The following ZNF385D variants were observed in gnomAD, a reference collection of about 807,000 sequenced individuals.
ZNF385D encodes the protein zinc finger protein 385D.
ZNF385D carries 15 observed loss-of-function variants against 35.8 expected under a neutral mutation model. The ratio of observed to expected loss-of-function variants is 0.42; its 90% CI spans 0.28 to 0.64. The LOEUF is 0.64. ZNF385D is among the 30% of genes least tolerant of loss of function. The pLI is 0.23. For synonymous variants in ZNF385D, 212 were observed against 186.8 expected, an observed-to-expected ratio of 1.13 and a Z score of -1.10; for missense variants, 474 against 494.6, an observed-to-expected ratio of 0.96 and a Z score of 0.39.
At chr3:21,694,569 C>T (rs529922907) in intron 1 of ZNF385D, among the ~76,000 whole-genome samples, 7 of 152,096 alleles carry the variant, frequency 4.6e-5, no homozygotes, top group African/African-American at 1.7e-4. Flanking sequence ...ATCCCTTGCT[C>T]GATAGAGAAA....
At chr3:21,837,340 T>C (rs544730792) in intron 3 of ZNF385D, among the ~76,000 whole-genome samples, 2 of 152,112 alleles carry the variant, frequency 1.3e-5, no homozygotes, top group Non-Finnish European at 2.9e-5. Context: ...AAGGTCCTTG[T>C]GCTAATCTGG....
chr3:22,145,114 C>T (rs528709219), intron 3 of ZNF385D, among the ~76,000 whole-genome samples: 10 of 151,928 alleles, frequency 6.6e-5, no homozygotes, highest in Non-Finnish European at 1.0e-4. Context: ...TACACACATA[C>T]ATTTGTATAT....
At chr3:21,863,777 G>C (rs890305419) in intron 3 of ZNF385D, among the ~76,000 whole-genome samples, 6 of 152,158 alleles carry the variant, frequency 3.9e-5, no homozygotes, top group Admixed American at 3.3e-4. Context: ...CAGGACTCAT[G>C]TTGCCAGTAA....
chr3:22,082,251 C>T (rs1013925853), intron 3 of ZNF385D, among the ~76,000 whole-genome samples: 2 of 152,008 alleles, frequency 1.3e-5, no homozygotes, highest in Non-Finnish European at 2.9e-5. Context: ...GGCAGGGCAT[C>T]GCCTCACCCA....
intron 2 of ZNF385D, among the ~76,000 whole-genome samples, chr3:22,295,509 G>T (rs1193315243): frequency 6.6e-6 from 1 of 152,100 alleles, no homozygotes; most frequent in Admixed American, 6.6e-5. Flanking sequence ...GTACATGTAG[G>T]TGTATGGCTC....
intron 3 of ZNF385D, among the ~76,000 whole-genome samples, chr3:21,531,435 C>T (rs2061920077): frequency 6.6e-6 from 1 of 152,134 alleles, no homozygotes; most frequent in South Asian, 2.1e-4. Context: ...AAACTTATGT[C>T]CAAGAGTAAA....
intron 2 of ZNF385D, among the ~76,000 whole-genome samples, chr3:22,199,012 T>C (rs900326910): frequency 1.3e-5 from 2 of 152,164 alleles, no homozygotes; most frequent in African/African-American, 4.8e-5. Flanking sequence ...ATAAGTCTCA[T>C]GATTATTGAT....
At chr3:22,119,799 C>A (rs1411200124) in intron 3 of ZNF385D, among the ~76,000 whole-genome samples, 1 of 151,538 alleles carries the variant, frequency 6.6e-6, no homozygotes, top group Non-Finnish European at 1.5e-5. Context: ...TGAGCTTTTA[C>A]TAGTGAGTAT....
intron 2 of ZNF385D, among the ~76,000 whole-genome samples, chr3:22,192,577 G>A (rs1255235166): frequency 3.9e-5 from 6 of 152,158 alleles, no homozygotes; most frequent in Admixed American, 3.9e-4. Flanking sequence ...AGCAAGCCAT[G>A]TGTGTGAACT....
intron 2 of ZNF385D, among the ~76,000 whole-genome samples, chr3:22,233,315 G>A (rs1192453790): frequency 7.5e-6 from 1 of 133,322 alleles, no homozygotes; most frequent in East Asian, 1.9e-4. Context: ...CAAAAAGCCA[G>A]ACACAAAAGG....
intron 1 of ZNF385D, among the ~76,000 whole-genome samples, chr3:21,707,555 T>C (rs1228282700): frequency 6.6e-6 from 1 of 152,156 alleles, no homozygotes; most frequent in Non-Finnish European, 1.5e-5. Context: ...CCTCTACATA[T>C]AGAAAATGTT....
At chr3:21,820,590 T>C (rs1463609474) in intron 3 of ZNF385D, among the ~76,000 whole-genome samples, 3 of 151,082 alleles carry the variant, frequency 2.0e-5, no homozygotes, top group Admixed American at 6.6e-5. Context: ...AATCAAAATG[T>C]TCCAAACTAG....
intron 2 of ZNF385D, among the ~76,000 whole-genome samples, chr3:22,201,188 T>G: frequency 6.6e-6 from 1 of 152,126 alleles, no homozygotes. Flanking sequence ...TATAAAAGTA[T>G]TAATTTGGGG....
At chr3:22,142,413 C>T (rs1295284135) in intron 3 of ZNF385D, among the ~76,000 whole-genome samples, 1 of 152,068 alleles carries the variant, frequency 6.6e-6, no homozygotes, top group African/African-American at 2.4e-5. Context: ...AAATTGGTGA[C>T]GTATAATAAA....
rs148741277 is a variant in ZNF385D, at chr3:21,805,429, C to T, written c.326-140401G>A. On this transcript the variant is annotated intron_variant, in intron 3 of 5. Transcript: ENST00000494108. ...AAAAATGAATGCTGTTTATCCTCAACGATTCATAGTCATATAAAACAAATG... is the reference window on the plus strand; with the variant it reads ...AAAAATGAATGCTGTTTATCCTCAATGATTCATAGTCATATAAAACAAATG... Among the ~76,000 whole-genome samples the T allele has an allele frequency of 3.6e-3, 547 of 152,234 alleles. 6 individuals are homozygous for T. Among genetic ancestry groups the T allele is most frequent in the African/African-American group, 0.012 (485 of 41,534 alleles).
At chr3:21,570,354 C>G (rs867422538) in intron 2 of ZNF385D, among the ~76,000 whole-genome samples, 2 of 152,152 alleles carry the variant, frequency 1.3e-5, no homozygotes, top group African/African-American at 4.8e-5. Flanking sequence ...AGGGGACATG[C>G]TTCAAGTACA....
rs533527165 is a variant in ZNF385D, at chr3:21,667,055, C to T, written c.23-2027G>A. On this transcript the variant is annotated intron_variant, in intron 1 of 7. Transcript: ENST00000281523. The stretch of plus-strand genomic sequence containing the variant: ...TCGCACCACTGTACTTCAGCCTGGG[C>T]GACAGAGCAAGACTCTATTTCAAAA... 5.9e-5 allele frequency among the ~76,000 whole-genome samples: 9 copies of T among 152,160 alleles called. No homozygotes were observed. The East Asian group carries it at 7.7e-4, about 13-fold the overall frequency.
At chr3:22,015,626 C>T (rs1559850342) in intron 3 of ZNF385D, among the ~76,000 whole-genome samples, 1 of 152,104 alleles carries the variant, frequency 6.6e-6, no homozygotes, top group Non-Finnish European at 1.5e-5. Context: ...TGTGAGTGAA[C>T]ACAAACATCA....
At chr3:21,665,999 T>C (rs2066394503) in intron 1 of ZNF385D, among the ~76,000 whole-genome samples, 1 of 152,204 alleles carries the variant, frequency 6.6e-6, no homozygotes, top group Non-Finnish European at 1.5e-5. Flanking sequence ...CAACAAGCAT[T>C]AGGAAAGCAA....
Sources: gnomAD v4.1 joint callset for allele counts (sites outside exome capture counted in the v4.1 genomes callset) on GRCh38, gnomAD v4.1.1 for gene constraint, MANE v1.5 for transcripts, NCBI Gene and HGNC (gene_info 2026-07-23, HGNC 2026-07-21) for gene names.